THSD4: variants seen among roughly 807,000 people sequenced by gnomAD.
THSD4 encodes thrombospondin type-1 domain-containing protein 4.
A neutral mutation model predicts 119.0 loss-of-function variants in THSD4; 69 were observed. That is an observed-to-expected ratio of 0.58 (90% CI 0.48 to 0.71). THSD4 has a LOEUF of 0.71. THSD4 is among the 30% of genes least tolerant of loss of function. The pLI, the probability that THSD4 is intolerant of heterozygous loss-of-function variation, is 0.00. For synonymous variants in THSD4, 524 were observed against 540.4 expected, an observed-to-expected ratio of 0.97 and a Z score of 0.42; for missense variants, 1,393 against 1,391.1, an observed-to-expected ratio of 1.00 and a Z score of -0.02.
At chr15:71,288,749 G>C (rs1271556982) in intron 6 of THSD4, among the ~76,000 whole-genome samples, 1 of 152,128 alleles carries the variant, frequency 6.6e-6, no homozygotes, top group Non-Finnish European at 1.5e-5. Flanking sequence ...CAGCATCCAC[G>C]TACACTTAAA....
intron 6 of THSD4, among the ~76,000 whole-genome samples, chr15:71,375,529 G>T (rs1435481260): frequency 6.6e-6 from 1 of 152,108 alleles, no homozygotes; most frequent in Non-Finnish European, 1.5e-5. Flanking sequence ...CAGGGACTTT[G>T]CCTGTCTGTG....
At chr15:71,369,705 T>C (rs1339379503) in intron 6 of THSD4, among the ~76,000 whole-genome samples, 1 of 152,232 alleles carries the variant, frequency 6.6e-6, no homozygotes, top group Non-Finnish European at 1.5e-5. Flanking sequence ...TGAGGATTTT[T>C]GCATCAATGT....
intron 7 of THSD4, among the ~76,000 whole-genome samples, chr15:71,621,920 A>C (rs1789118451): frequency 6.6e-6 from 1 of 152,216 alleles, no homozygotes; most frequent in Admixed American, 6.5e-5. Flanking sequence ...TTGTTGCTTG[A>C]TTTATCAAGA....
At chr15:71,608,213 ACT>A (rs2050147558) in intron 7 of THSD4, among the ~76,000 whole-genome samples, 1 of 123,046 alleles carries the variant, frequency 8.1e-6, no homozygotes, top group African/African-American at 3.0e-5. Flanking sequence ...ACAGAGCAAA[ACT>A]CTGTCTCAAA....
chr15:71,544,332 T>G (rs933444756), intron 7 of THSD4, among the ~76,000 whole-genome samples: 9 of 152,218 alleles, frequency 5.9e-5, no homozygotes, highest in Admixed American at 3.3e-4. Flanking sequence ...TTTTAAAAGT[T>G]TTTAAAATAA....
intron 8 of THSD4, among the ~76,000 whole-genome samples, chr15:71,712,366 A>G (rs2052533856): frequency 6.6e-6 from 1 of 152,240 alleles, no homozygotes; most frequent in African/African-American, 2.4e-5. Flanking sequence ...GGATGCAGCT[A>G]AAGCAGTGCT....
intron 8 of THSD4, among the ~76,000 whole-genome samples, chr15:71,685,336 A>C (rs28498516): frequency 0.16 from 24,786 of 151,892 alleles, 2,080 homozygotes; most frequent in African/African-American, 0.22. Flanking sequence ...TGAAGACCCC[A>C]GAGAGCTTTT....
At chr15:71,515,359 T>C (rs1182430143) in intron 7 of THSD4, among the ~76,000 whole-genome samples, 2 of 152,172 alleles carry the variant, frequency 1.3e-5, no homozygotes, top group African/African-American at 4.8e-5. Flanking sequence ...AAATGTTAAT[T>C]TGAAAACATG....
chr15:71,537,019 T>G (rs1229276489), intron 7 of THSD4, among the ~76,000 whole-genome samples: 1 of 152,212 alleles, frequency 6.6e-6, no homozygotes, highest in Non-Finnish European at 1.5e-5. Context: ...TACCATAGTG[T>G]ATCTAGGACC....
intron 7 of THSD4, among the ~76,000 whole-genome samples, chr15:71,635,990 A>G (rs2050731517): frequency 6.6e-6 from 1 of 152,222 alleles, no homozygotes; most frequent in African/African-American, 2.4e-5. Flanking sequence ...TCTGTCTGCC[A>G]TGAAGTTCCT....
intron 6 of THSD4, among the ~76,000 whole-genome samples, chr15:71,300,881 C>A (rs1195343604): frequency 6.6e-6 from 1 of 152,186 alleles, no homozygotes; most frequent in Non-Finnish European, 1.5e-5. Context: ...CTCCCAGCTT[C>A]TGAAATCACA....
At chr15:71,670,886 C>T (rs1403204903) in intron 8 of THSD4, among the ~76,000 whole-genome samples, 2 of 152,156 alleles carry the variant, frequency 1.3e-5, no homozygotes, top group Non-Finnish European at 1.5e-5. Context: ...TTTCTTAATC[C>T]AGTCTATCAG....
At chr15:71,664,089 T>C (rs1477749978) in intron 8 of THSD4, among the ~76,000 whole-genome samples, 1 of 151,984 alleles carries the variant, frequency 6.6e-6, no homozygotes, top group African/African-American at 2.4e-5. Context: ...TTCACGCCAT[T>C]CTCCTGCCTC....
chr15:71,443,653 C>G (rs2047140181), intron 7 of THSD4, among the ~76,000 whole-genome samples: 2 of 151,496 alleles, frequency 1.3e-5, no homozygotes, highest in Non-Finnish European at 2.9e-5. Flanking sequence ...TGGGCATTTG[C>G]AGAACCGCAG....
At chr15:71,691,383 A>G (rs191257365) in intron 8 of THSD4, among the ~76,000 whole-genome samples, 29 of 152,300 alleles carry the variant, frequency 1.9e-4, no homozygotes, top group South Asian at 1.9e-3. Context: ...TATCATCAAC[A>G]CATCCTGCTA....
chr15:71,382,287 T>C (rs1449862490), intron 6 of THSD4, among the ~76,000 whole-genome samples: 1 of 152,158 alleles, frequency 6.6e-6, no homozygotes. Context: ...GAAAAACCTT[T>C]CACGATTTCC....
intron 4 of THSD4, among the ~76,000 whole-genome samples, chr15:71,221,490 C>G (rs1309636799): frequency 6.6e-6 from 1 of 152,158 alleles, no homozygotes; most frequent in African/African-American, 2.4e-5. Flanking sequence ...CTTTCTTCCT[C>G]TATGATTTTG....
At chr15:71,363,436 C>T (rs551744573) in intron 6 of THSD4, among the ~76,000 whole-genome samples, 32 of 152,006 alleles carry the variant, frequency 2.1e-4, no homozygotes, top group Non-Finnish European at 3.4e-4. Context: ...CATGTGTGTA[C>T]GCGTGTGTGT....
intron 6 of THSD4, among the ~76,000 whole-genome samples, chr15:71,275,636 T>C (rs959826583): frequency 6.6e-5 from 10 of 152,362 alleles, no homozygotes; most frequent in African/African-American, 2.4e-4. Flanking sequence ...GGCTTGGCTC[T>C]GTGTTCCCAC....
Sources: allele counts gnomAD v4.1 joint callset (sites outside exome capture counted in the v4.1 genomes callset), GRCh38; gene constraint gnomAD v4.1.1; transcripts MANE v1.5; gene names NCBI Gene and HGNC (gene_info 2026-07-23, HGNC 2026-07-21).